NTRK3: variants seen among roughly 807,000 people sequenced by gnomAD.
The protein encoded by NTRK3 is NT-3 growth factor receptor.
In NTRK3, 24 loss-of-function variants were observed where a neutral mutation model predicts 91.7. That is an observed-to-expected ratio of 0.26 (90% confidence interval 0.19 to 0.37). NTRK3 has a LOEUF of 0.37. Among genes scored for constraint, NTRK3 ranks in the 10% least tolerant of loss-of-function variants. The pLI, the probability that NTRK3 is intolerant of heterozygous loss-of-function variation, is 1.00. For missense variants in NTRK3, 880 were observed against 1,068.9 expected (o/e 0.82, Z 2.46); for synonymous variants, 483 against 404.0 (o/e 1.20, Z -2.34).
chr15:88,214,222 G>A (rs567051127), intron 3 of NTRK3, among the ~76,000 whole-genome samples: 2 of 152,292 alleles, frequency 1.3e-5, no homozygotes, highest in South Asian at 4.2e-4. Flanking sequence ...CAGTCCTGGA[G>A]GCTGGAAGTC....
intron 14 of NTRK3, among the ~76,000 whole-genome samples, chr15:87,961,398 T>C (rs925290625): frequency 2.0e-5 from 3 of 152,244 alleles, no homozygotes; most frequent in African/African-American, 7.2e-5. Context: ...TGTGGGTAGA[T>C]TTCCAAAGAA....
At chr15:88,009,012 G>A (rs563219663) in intron 14 of NTRK3, among the ~76,000 whole-genome samples, 49 of 152,216 alleles carry the variant, frequency 3.2e-4, no homozygotes, top group African/African-American at 1.2e-3. Flanking sequence ...TCCTGATTTT[G>A]TTTTCTTTCT....
rs62019184 is a variant in NTRK3, at chr15:87,892,114, G to A, written c.2134-11686C>T. ...CACACACACACACACACACACACAC[G>A]CACGCACACACCACTCTCCAAAAGG... On this transcript the variant is annotated intron_variant, in intron 17 of 18. Transcript: ENST00000394480. Among the ~76,000 whole-genome samples, 148 of 62,134 alleles carry A rather than the reference G, an allele frequency of 2.4e-3. No individual in the cohort carries two copies. In the East Asian group the frequency reaches 0.043, roughly 18 times the overall value. The allele number at this position is 62,134 out of a possible 152,430, so 40.8% of individuals were successfully genotyped here.
At chr15:88,128,825 T>C (rs1316963082) in intron 10 of NTRK3, 91 bp from the exon 11 acceptor site, 1 of 1,109,390 alleles carries the variant, frequency 9.0e-7, no homozygotes, top group Admixed American at 1.7e-5. Context: ...ATCTCTCCCA[T>C]TCACCATGAT....
chr15:88,129,683 G>T (rs1001320465), intron 10 of NTRK3, among the ~76,000 whole-genome samples: 1 of 152,156 alleles, frequency 6.6e-6, no homozygotes, highest in Non-Finnish European at 1.5e-5. Context: ...AAGTAAGAAA[G>T]TGCTCAAAGA....
chr15:88,168,501 C>A (rs1025200783), intron 5 of NTRK3, among the ~76,000 whole-genome samples: 1 of 152,204 alleles, frequency 6.6e-6, no homozygotes, highest in South Asian at 2.1e-4. Context: ...TGTATAATTA[C>A]AAGAGCTTAA....
intron 5 of NTRK3, among the ~76,000 whole-genome samples, chr15:88,159,955 C>T (rs1358430494): frequency 7.1e-6 from 1 of 141,092 alleles, no homozygotes; most frequent in Admixed American, 7.7e-5. Context: ...CACACACACA[C>T]ACACACACAC....
At chr15:87,985,469 G>A (rs1596531801) in intron 14 of NTRK3, among the ~76,000 whole-genome samples, 1 of 152,164 alleles carries the variant, frequency 6.6e-6, no homozygotes, top group East Asian at 1.9e-4. Flanking sequence ...AAGGTACTTA[G>A]AACCAAAATG....
chr15:87,994,732 G>A (rs1339807552), intron 14 of NTRK3, among the ~76,000 whole-genome samples: 3 of 152,206 alleles, frequency 2.0e-5, no homozygotes, highest in South Asian at 2.1e-4. Context: ...CATAAGGCAG[G>A]AATATGGGAA....
At chr15:88,113,826 T>C (rs1567439823) in intron 13 of NTRK3, among the ~76,000 whole-genome samples, 1 of 152,156 alleles carries the variant, frequency 6.6e-6, no homozygotes, top group Non-Finnish European at 1.5e-5. Context: ...AAGTCTAAAA[T>C]ATTTACTCTC....
chr15:88,054,200 AT>A (rs1207530231), intron 13 of NTRK3, among the ~76,000 whole-genome samples: 2 of 152,262 alleles, frequency 1.3e-5, no homozygotes, highest in Non-Finnish European at 2.9e-5. Context: ...CAAAAAATAT[AT>A]TGAATGCCTA....
At chr15:87,959,594 A>G (rs886992884) in intron 14 of NTRK3, among the ~76,000 whole-genome samples, 44 of 152,328 alleles carry the variant, frequency 2.9e-4, no homozygotes, top group African/African-American at 9.9e-4. Context: ...TTCTACCAGC[A>G]AATACCTAAA....
At chr15:88,077,891 G>A (rs141473124) in intron 13 of NTRK3, among the ~76,000 whole-genome samples, 93 of 152,302 alleles carry the variant, frequency 6.1e-4, no homozygotes, top group African/African-American at 2.1e-3. Flanking sequence ...ACACAACACA[G>A]CCAACTGAGG....
At chr15:88,245,667 G>A (rs1459390826) in intron 3 of NTRK3, among the ~76,000 whole-genome samples, 1 of 152,088 alleles carries the variant, frequency 6.6e-6, no homozygotes, top group African/African-American at 2.4e-5. Flanking sequence ...GTTCTGGGGT[G>A]TAGTAATAGG....
intron 14 of NTRK3, among the ~76,000 whole-genome samples, chr15:88,030,378 A>G (rs2078415514): frequency 1.3e-5 from 2 of 152,154 alleles, no homozygotes; most frequent in Non-Finnish European, 2.9e-5. Context: ...ACCAGGCCCC[A>G]TAGCTCTCTC....
intron 13 of NTRK3, among the ~76,000 whole-genome samples, chr15:88,065,432 A>G (rs1436730961): frequency 6.6e-6 from 1 of 152,146 alleles, no homozygotes; most frequent in Non-Finnish European, 1.5e-5. Flanking sequence ...AGGTGGTTTG[A>G]GGCTCTGCTT....
intron 14 of NTRK3, chr15:87,981,290 T>C (rs2074245728): frequency 6.3e-7 from 1 of 1,594,748 alleles, no homozygotes. Context: ...TATAGTGAGT[T>C]GATGGGACTA....
At chr15:88,041,824 T>TAAA (rs35696268) in intron 13 of NTRK3, among the ~76,000 whole-genome samples, 1,122 of 90,158 alleles carry the variant, frequency 0.012, 17 homozygotes, top group Non-Finnish European at 0.019. Context: ...AAGTCCCTCA[T>TAAA]AAAAAAAAAA....
At chr15:88,157,964 G>C (rs1053756158) in intron 5 of NTRK3, among the ~76,000 whole-genome samples, 1 of 152,322 alleles carries the variant, frequency 6.6e-6, no homozygotes, top group East Asian at 1.9e-4. Flanking sequence ...AGTGACTTCT[G>C]ATCCTTAGTG....
Sources: gnomAD v4.1 joint callset for allele counts (sites outside exome capture counted in the v4.1 genomes callset) on GRCh38, gnomAD v4.1.1 for gene constraint, MANE v1.5 for transcripts, NCBI Gene and HGNC (gene_info 2026-07-23, HGNC 2026-07-21) for gene names.